KIF1B: variants seen among roughly 807,000 people sequenced by gnomAD.
The protein encoded by KIF1B is kinesin-like protein KIF1B.
KIF1B carries 76 observed loss-of-function variants against 241.9 expected under a neutral mutation model. That is an observed-to-expected ratio of 0.31 (90% CI 0.26 to 0.38). The LOEUF (loss-of-function observed/expected upper bound fraction) is 0.38, where lower values mean the gene tolerates loss of function less well. Ranked by LOEUF, KIF1B falls within the 10% of genes least tolerant of loss-of-function variation. The pLI is 1.00. For synonymous variants in KIF1B, 750 were observed against 796.7 expected, an observed-to-expected ratio of 0.94 and a Z score of 0.99; for missense variants, 1,622 against 2,271.4, an observed-to-expected ratio of 0.71 and a Z score of 5.81.
intron 20 of KIF1B, 113 bp downstream of exon 20, chr1:10,296,778 C>T: frequency 1.4e-6 from 2 of 1,386,576 alleles, no homozygotes; most frequent in Non-Finnish European, 2.0e-6. Flanking sequence ...GATTTTTGTT[C>T]TTGTAAAAAC....
chr1:10,290,841 T>C (rs1426136111), intron 15 of KIF1B, among the ~76,000 whole-genome samples: 1 of 151,030 alleles, frequency 6.6e-6, no homozygotes, highest in Admixed American at 6.6e-5. Context: ...TGCAGCCTGG[T>C]GACAAAGGAA....
chr1:10,294,649 G>T (rs1190687325), intron 17 of KIF1B, among the ~76,000 whole-genome samples: 4 of 152,136 alleles, frequency 2.6e-5, no homozygotes, highest in African/African-American at 9.7e-5. Flanking sequence ...GGGTGGGTCA[G>T]TTGAGGTCAG....
At chr1:10,246,147 A>G (rs985226904) in intron 2 of KIF1B, among the ~76,000 whole-genome samples, 5 of 152,182 alleles carry the variant, frequency 3.3e-5, no homozygotes, top group Non-Finnish European at 5.9e-5. Flanking sequence ...AAGCATCTCA[A>G]ACTCAACATG....
intron 33 of KIF1B, among the ~76,000 whole-genome samples, chr1:10,342,674 A>G (rs892402372): frequency 2.0e-5 from 3 of 152,212 alleles, no homozygotes; most frequent in Non-Finnish European, 4.4e-5. Flanking sequence ...ATTATCTGGT[A>G]TTATGCCAGA....
intron 3 of KIF1B, among the ~76,000 whole-genome samples, chr1:10,257,924 G>A (rs895283961): frequency 4.0e-4 from 61 of 152,098 alleles, no homozygotes; most frequent in African/African-American, 8.0e-4. Flanking sequence ...TGATCTGCCC[G>A]CCTTGGCCTC....
rs188782135 is a variant in KIF1B at position 10,348,839 on chromosome 1, G to C, written c.3949+106G>C. ...CACCCAGGCTGGAGTACAGTGATGA[G>C]ATCATAGCTCCCTGTAGCCTCAAAC... On this transcript the variant is annotated intron_variant, in intron 37 of 48. Coordinates refer to ENST00000676179, the MANE Select transcript of KIF1B (RefSeq NM_001365951.3). 132 of 807,226 alleles carry C rather than the reference G, an allele frequency of 1.6e-4. 1 individual carries two copies. In the East Asian group the frequency reaches 2.6e-3, roughly 16 times the overall value. 50.0% of individuals were successfully genotyped at this position (807,226 alleles called of 1,614,324 possible). A position where few individuals can be genotyped will look rare whatever the true frequency, so the allele number is the denominator to read the frequency against.
intron 22 of KIF1B, among the ~76,000 whole-genome samples, chr1:10,319,724 C>T (rs572734399): frequency 1.3e-5 from 2 of 152,208 alleles, no homozygotes; most frequent in Admixed American, 6.5e-5. Flanking sequence ...TTAAGGTATA[C>T]ACGTGTTATT....
At chr1:10,332,118 G>A (rs1319312124) in intron 27 of KIF1B, among the ~76,000 whole-genome samples, 6 of 152,060 alleles carry the variant, frequency 3.9e-5, no homozygotes, top group Admixed American at 3.9e-4. Context: ...AGGCTGGAGT[G>A]CAATGGTGCG....
Position 10,365,600 on chromosome 1 carries a change from A to C in KIF1B, c.4704A>C (p.Ser1568=). Residue 1568 remains serine, a synonymous_variant, in exon 43 of 49, where the codon TCA becomes TCC. Transcript: ENST00000676179. The surrounding 1 kb of genome is among the most constrained non-coding windows in gnomAD (Gnocchi z 4.0). ...CTAGCGAGAGCAGTGGCTATGATTC[A>C]GGAGACATCGAAAGCCTGGTGGACC... is the stretch of plus-strand genomic sequence containing the variant. The part of the protein sequence containing the change: ...ITPSESSGYD[S]GDIESLVDRE... 1 of 1,614,166 alleles carries C rather than the reference A, an allele frequency of 6.2e-7. No individual in the cohort carries two copies. Among genetic ancestry groups the C allele is most frequent in the Non-Finnish European group, 8.5e-7 (1 of 1,180,018 alleles).
At chr1:10,369,788 C>T (rs1249639591) in intron 44 of KIF1B, among the ~76,000 whole-genome samples, 2 of 151,340 alleles carry the variant, frequency 1.3e-5, no homozygotes, top group African/African-American at 2.4e-5. Context: ...CAAAATTAGC[C>T]GGATATGGTG....
At chr1:10,352,379 C>T (rs1375974594) in intron 37 of KIF1B, among the ~76,000 whole-genome samples, 1 of 152,070 alleles carries the variant, frequency 6.6e-6, no homozygotes, top group African/African-American at 2.4e-5. Flanking sequence ...CTTTTGTGAT[C>T]AGGGCAATGA....
intron 7 of KIF1B, among the ~76,000 whole-genome samples, chr1:10,269,823 A>T (rs1012004165): frequency 6.6e-6 from 1 of 152,086 alleles, no homozygotes; most frequent in African/African-American, 2.4e-5. Context: ...CGTCTCAAAA[A>T]ATATATATAT....
chr1:10,281,369 AAATT>A (rs1649397766), intron 14 of KIF1B, among the ~76,000 whole-genome samples: 2 of 152,338 alleles, frequency 1.3e-5, no homozygotes, highest in South Asian at 2.1e-4. Context: ...TACAAACAGC[AAATT>A]AATTAATTTT....
chr1:10,287,239 T>C (rs1330615780), intron 15 of KIF1B, among the ~76,000 whole-genome samples: 1 of 152,148 alleles, frequency 6.6e-6, no homozygotes, highest in Admixed American at 6.6e-5. Flanking sequence ...GCTTCTCTGG[T>C]CTGTTGGAAC....
At chr1:10,273,507 T>C (rs1648914865) in intron 10 of KIF1B, among the ~76,000 whole-genome samples, 1 of 152,086 alleles carries the variant, frequency 6.6e-6, no homozygotes, top group African/African-American at 2.4e-5. Context: ...GAAAGTTTGT[T>C]CCACTAATCT....
chr1:10,221,664 AG>A, intron 1 of KIF1B, among the ~76,000 whole-genome samples: 1 of 152,298 alleles, frequency 6.6e-6, no homozygotes, highest in East Asian at 1.9e-4. Flanking sequence ...GCATCTCAAA[AG>A]GGGATCTCTA....
chr1:10,230,545 C>T (rs1364209691), intron 1 of KIF1B, among the ~76,000 whole-genome samples: 3 of 151,784 alleles, frequency 2.0e-5, no homozygotes, highest in Admixed American at 6.6e-5. Flanking sequence ...AAGTGATTCT[C>T]CTGCCTCAGC....
Position 10,220,342 on chromosome 1 carries a change from G to A in KIF1B, c.-80+9464G>A, listed in dbSNP as rs369735424. Among the ~76,000 whole-genome samples, 15 of 151,922 alleles carry A rather than the reference G, an allele frequency of 9.9e-5. No homozygotes were observed. The East Asian group carries it at 2.9e-3, about 29-fold the overall frequency. The stretch of plus-strand genomic sequence containing the variant: ...ACTGTGATTGTTCCACTGTACTCCA[G>A]CCTGGGCAACAGAGTGAGACCCTGT... On this transcript the variant is annotated intron_variant, in intron 1 of 48. Transcript: ENST00000676179.
In KIF1B at chr1:10,249,141, C is replaced by T. The variant is rs1325479941; in HGVS notation, c.107-7106C>T. On this transcript the variant is annotated intron_variant, in intron 2 of 48. Coordinates refer to ENST00000676179, the MANE Select transcript of KIF1B (RefSeq NM_001365951.3). ...TGACCCTGGGGGTGGGTACTAAATT[C>T]GTAACAGCTTGTGGGTGAAAATATG... is the stretch of plus-strand genomic sequence containing the variant. Among the ~76,000 whole-genome samples, 117 of 152,250 alleles carry T rather than the reference C, an allele frequency of 7.7e-4. 2 individuals are homozygous for T. The highest frequency in any genetic ancestry group is 1.9e-4 in the East Asian group (1 of 5,184).
Sources: allele counts gnomAD v4.1 joint callset (sites outside exome capture counted in the v4.1 genomes callset), GRCh38; gene constraint gnomAD v4.1.1; non-coding constraint Gnocchi (gnomAD v3.1); transcripts MANE v1.5; gene names NCBI Gene and HGNC (gene_info 2026-07-23, HGNC 2026-07-21).